Variants in ADAMTS12 observed in about 807,000 individuals in gnomAD.
ADAMTS12 encodes A disintegrin and metalloproteinase with thrombospondin motifs 12.
ADAMTS12 carries 118 observed loss-of-function variants against 167.8 expected under a neutral mutation model. The ratio of observed to expected loss-of-function variants is 0.70; its 90% CI spans 0.61 to 0.82. The LOEUF (loss-of-function observed/expected upper bound fraction) is 0.82. Ranked by LOEUF, ADAMTS12 falls within the 40% of genes least tolerant of loss-of-function variation. The pLI is 0.00. For synonymous variants in ADAMTS12, 704 were observed against 716.9 expected, an observed-to-expected ratio of 0.98 and a Z score of 0.29; for missense variants, 1,916 against 1,998.8, an observed-to-expected ratio of 0.96 and a Z score of 0.79.
At chr5:33,631,037 C>G (rs7444287) in intron 12 of ADAMTS12, 124 bp from the exon 13 acceptor site, 280,743 of 1,076,032 alleles carry the variant, frequency 0.26, 38,681 homozygotes, top group South Asian at 0.4. Context: ...CTTTTCACCT[C>G]CTTGAGACAC....
chr5:33,876,122 C>A (rs1750216322), intron 2 of ADAMTS12, among the ~76,000 whole-genome samples: 1 of 152,114 alleles, frequency 6.6e-6, no homozygotes, highest in South Asian at 2.1e-4. Flanking sequence ...TTGAAAACTA[C>A]ACAACACTGA....
chr5:33,733,046 A>T (rs1228008926), intron 3 of ADAMTS12, among the ~76,000 whole-genome samples: 1 of 151,542 alleles, frequency 6.6e-6, no homozygotes, highest in Non-Finnish European at 1.5e-5. Context: ...TTTATCCAAT[A>T]TAACACTAAA....
In ADAMTS12 at chr5:33,891,740, G is replaced by A. The variant is rs772928624; in HGVS notation, c.117C>T (p.Asp39=). ...AGAAGAGTCACTAACCTTGCCTCCT[G>A]TCCGGGAAGCGAACCGGGCCTGGCT... is the stretch of plus-strand genomic sequence containing the variant. ...QPQPGPVRFP[D]RRQEHFIKGL... Residue 39 remains aspartate, a synonymous_variant, in exon 1 of 24, where the codon GAC becomes GAT. Transcript: ENST00000504830. The A allele has an allele frequency of 1.2e-6, 2 of 1,614,200 alleles. No homozygotes were observed. Among genetic ancestry groups the A allele is most frequent in the East Asian group, 2.2e-5 (1 of 44,890 alleles).
intron 2 of ADAMTS12, among the ~76,000 whole-genome samples, chr5:33,867,169 T>C (rs1749854606): frequency 6.6e-6 from 1 of 152,144 alleles, no homozygotes; most frequent in Non-Finnish European, 1.5e-5. Context: ...CGTGTGTTTA[T>C]TGCAGCACAA....
At chr5:33,627,335 AAGTGATGGT>A in intron 13 of ADAMTS12, among the ~76,000 whole-genome samples, 1 of 130,926 alleles carries the variant, frequency 7.6e-6, no homozygotes, top group East Asian at 2.4e-4. Context: ...TGGGTGATGG[AAGTGATGGT>A]AGTGATGGTG....
At chr5:33,711,056 A>T (rs1231583847) in intron 3 of ADAMTS12, among the ~76,000 whole-genome samples, 1 of 152,138 alleles carries the variant, frequency 6.6e-6, no homozygotes, top group East Asian at 1.9e-4. Flanking sequence ...TGCAGTGAAG[A>T]TTCCAATAAC....
chr5:33,633,404 G>A (rs968438486), intron 12 of ADAMTS12, among the ~76,000 whole-genome samples: 6 of 150,506 alleles, frequency 4.0e-5, no homozygotes, highest in Admixed American at 3.3e-4. Flanking sequence ...TTGACTATAA[G>A]TATAGTGGTT....
intron 23 of ADAMTS12, among the ~76,000 whole-genome samples, chr5:33,531,542 T>C (rs1321573825): frequency 2.0e-5 from 3 of 152,236 alleles, no homozygotes; most frequent in African/African-American, 4.8e-5. Flanking sequence ...AGCTGGTACA[T>C]AGATGGTGCC....
chr5:33,527,617 C>G (rs1025843824), intron 23 of ADAMTS12, among the ~76,000 whole-genome samples: 2 of 152,196 alleles, frequency 1.3e-5, no homozygotes, highest in African/African-American at 4.8e-5. Flanking sequence ...CCCTCCTTGC[C>G]ATGGCTGCCT....
At chr5:33,669,897 T>C (rs1477508199) in intron 5 of ADAMTS12, among the ~76,000 whole-genome samples, 2 of 151,972 alleles carry the variant, frequency 1.3e-5, no homozygotes, top group African/African-American at 4.8e-5. Flanking sequence ...TGTGAAACTA[T>C]GAAACTTCTA....
intron 2 of ADAMTS12, among the ~76,000 whole-genome samples, chr5:33,792,521 A>C (rs1305553831): frequency 6.6e-6 from 1 of 152,178 alleles, no homozygotes; most frequent in Admixed American, 6.5e-5. Context: ...CAATTATTGA[A>C]TTTGGTGGGC....
Position 33,854,418 on chromosome 5 carries a change from T to C in ADAMTS12, c.489+26701A>G, listed in dbSNP as rs145435930. Among the ~76,000 whole-genome samples, 224 of 151,886 alleles carry C rather than the reference T, an allele frequency of 1.5e-3. 2 individuals are homozygous for C. Among genetic ancestry groups the C allele is most frequent in the African/African-American group, 5.2e-3 (215 of 41,414 alleles). ...AGAAGAGATAAACACCAGAAGGGAG[T>C]AACATCTGTGGGCTGCATTTGTGTA... On this transcript the variant is annotated intron_variant, in intron 2 of 23. Coordinates refer to ENST00000504830, the MANE Select transcript of ADAMTS12 (RefSeq NM_030955.4).
At chr5:33,883,936 A>T (rs1052444262) in intron 1 of ADAMTS12, among the ~76,000 whole-genome samples, 1 of 152,162 alleles carries the variant, frequency 6.6e-6, no homozygotes, top group African/African-American at 2.4e-5. Flanking sequence ...AGGCGGATGC[A>T]GTCAGCTTCC....
At chr5:33,889,124 T>C (rs1750752484) in intron 1 of ADAMTS12, among the ~76,000 whole-genome samples, 1 of 152,138 alleles carries the variant, frequency 6.6e-6, no homozygotes, top group Admixed American at 6.5e-5. Context: ...GACTAACTGA[T>C]GCCCTAGACC....
chr5:33,704,144 T>C (rs1041997311), intron 3 of ADAMTS12, among the ~76,000 whole-genome samples: 1 of 152,216 alleles, frequency 6.6e-6, no homozygotes, highest in Non-Finnish European at 1.5e-5. Context: ...AAATCACAAA[T>C]AAAAACCAAC....
At chr5:33,663,936 T>C (rs550205016) in intron 5 of ADAMTS12, among the ~76,000 whole-genome samples, 61 of 152,318 alleles carry the variant, frequency 4.0e-4, no homozygotes, top group Admixed American at 1.8e-3. Context: ...AATACTTAGG[T>C]ATAAATTAAC....
intron 2 of ADAMTS12, among the ~76,000 whole-genome samples, chr5:33,803,067 A>C (rs1747072231): frequency 6.6e-6 from 1 of 152,182 alleles, no homozygotes; most frequent in African/African-American, 2.4e-5. Context: ...GCAAGGCACA[A>C]ATGAGGTGGT....
At chr5:33,744,267 G>C (rs1440303275) in intron 3 of ADAMTS12, among the ~76,000 whole-genome samples, 1 of 152,186 alleles carries the variant, frequency 6.6e-6, no homozygotes, top group Non-Finnish European at 1.5e-5. Context: ...GGGTCTCACA[G>C]AATAAGTAGA....
chr5:33,617,179 T>C (rs1332881448), intron 14 of ADAMTS12, among the ~76,000 whole-genome samples: 3 of 152,174 alleles, frequency 2.0e-5, no homozygotes, highest in Non-Finnish European at 4.4e-5. Flanking sequence ...TGAGTGATTT[T>C]TCTCTTTTGC....
Sources: gnomAD v4.1 joint callset for allele counts (sites outside exome capture counted in the v4.1 genomes callset) on GRCh38, gnomAD v4.1.1 for gene constraint, MANE v1.5 for transcripts, NCBI Gene and HGNC (gene_info 2026-07-23, HGNC 2026-07-21) for gene names.